ZNF891: variants seen among roughly 807,000 people sequenced by gnomAD.
ZNF891 encodes hCG1646157.
For synonymous variants in ZNF891, 199 were observed against 209.0 expected, an observed-to-expected ratio of 0.95 and a Z score of 0.41; for missense variants, 589 against 632.7, an observed-to-expected ratio of 0.93 and a Z score of 0.74.
rs1206924676 is a variant in ZNF891, at chr12:133,120,184, T to C, written c.*100A>G. ...AAATGTTATATTAAAAAAAGAGCCA[T>C]TTGTAACCTTAAATCGTTCTTTTAG... On this transcript the variant is annotated 3_prime_UTR_variant, in exon 2 of 2. Transcript: ENST00000537226. 2.1e-6 allele frequency: 2 copies of C among 962,382 alleles called. No homozygotes were observed. The highest frequency in any genetic ancestry group is 5.3e-5 in the East Asian group (2 of 37,418). 59.6% of individuals were successfully genotyped at this position (962,382 alleles called of 1,614,324 possible). A position where few individuals can be genotyped will look rare whatever the true frequency, so the allele number is the denominator to read the frequency against.
In ZNF891 at chr12:133,106,397, C is replaced by T; in HGVS notation, c.*13887G>A. On this transcript the variant is annotated 3_prime_UTR_variant, in exon 2 of 2. Transcript: ENST00000537226. Reference sequence around the variant, plus strand: ...TTTCACTTGGCATGCATCCCTTATTCAACATACGAAGAGTCACACTGGAGA... The same window carrying T: ...TTTCACTTGGCATGCATCCCTTATTTAACATACGAAGAGTCACACTGGAGA... The T allele has an allele frequency of 6.2e-7, 1 of 1,614,124 alleles. No homozygotes were observed. Among genetic ancestry groups the T allele is most frequent in the Non-Finnish European group, 8.5e-7 (1 of 1,180,018 alleles).
At position 133,107,810 on chromosome 12, in the gene ZNF891, T is replaced by G. The variant is rs147235224; in HGVS notation, c.*12474A>C. ...CACCATCAGGGTTAGTTTGCCTTAA[T>G]CAGGAAGGTAAGCAATTTTATTTTG... On this transcript the variant is annotated 3_prime_UTR_variant, in exon 2 of 2. Coordinates refer to ENST00000537226, the MANE Select transcript of ZNF891 (RefSeq NM_001277291.2). The G allele has an allele frequency of 1.1e-3, 172 of 152,324 alleles. No homozygotes were observed. The highest frequency in any genetic ancestry group is 4.0e-3 in the African/African-American group (167 of 41,556). The allele number at this position is 152,324 out of a possible 1,614,324, so 9.4% of individuals were successfully genotyped here. A position where few individuals can be genotyped will look rare whatever the true frequency, so the allele number is the denominator to read the frequency against.
Position 133,120,592 on chromosome 12 carries a change from T to C in ZNF891, c.1327A>G (p.Thr443Ala). 4 of 1,560,134 alleles carry C rather than the reference T, an allele frequency of 2.6e-6. No individual in the cohort carries two copies. Among genetic ancestry groups the C allele is most frequent in the Non-Finnish European group, 3.5e-6 (4 of 1,153,554 alleles). Residue 443 changes from threonine (T) to alanine (A), a missense_variant, in exon 2 of 2, where the codon ACG (threonine) becomes GCG (alanine). Coordinates refer to ENST00000537226, the MANE Select transcript of ZNF891 (RefSeq NM_001277291.2). ...TTATGAACTTTAAGGTGAGAGCTCG[T>C]GTTGAAGGCTTTTCCACACTCACTG... ...ECSECGKAFNTSSHLKVHKKI... is the reference protein window; with the variant it reads ...ECSECGKAFNASSHLKVHKKI...
rs754483528 is a variant in ZNF891, at chr12:133,110,462, G to A, written c.*9822C>T. The A allele has an allele frequency of 6.6e-6, 1 of 152,178 alleles. No homozygotes were observed. The highest frequency in any genetic ancestry group is 1.5e-5 in the Non-Finnish European group (1 of 68,042). 9.4% of individuals were successfully genotyped at this position (152,178 alleles called of 1,614,324 possible). A position where few individuals can be genotyped will look rare whatever the true frequency, so the allele number is the denominator to read the frequency against. On this transcript the variant is annotated 3_prime_UTR_variant, in exon 2 of 2. Transcript: ENST00000537226. The stretch of plus-strand genomic sequence containing the variant: ...AAAGAAGTTACTATGAATGCAGAAA[G>A]GCGACAGAACAACAGATGCAATCAA...
Position 133,115,827 on chromosome 12 carries a change from G to C in ZNF891, c.*4457C>G, listed in dbSNP as rs1032017412. 1.3e-5 allele frequency: 2 copies of C among 152,070 alleles called. No homozygotes were observed. Among genetic ancestry groups the C allele is most frequent in the African/African-American group, 2.4e-5 (1 of 41,392 alleles). 9.4% of individuals were successfully genotyped at this position (152,070 alleles called of 1,614,324 possible). On this transcript the variant is annotated 3_prime_UTR_variant, in exon 2 of 2. Coordinates refer to ENST00000537226, the MANE Select transcript of ZNF891 (RefSeq NM_001277291.2). ...AACACTTGGGACCAGAACTGTTTTG[G>C]ATTTTGGAATATTTGCATTATACCT...
At position 133,105,966 on chromosome 12, in the gene ZNF891, C is replaced by A; in HGVS notation, c.*14318G>T. 1 of 1,614,092 alleles carries A rather than the reference C, an allele frequency of 6.2e-7. No homozygotes were observed. Among genetic ancestry groups the A allele is most frequent in the South Asian group, 1.1e-5 (1 of 91,048 alleles). On this transcript the variant is annotated 3_prime_UTR_variant, in exon 2 of 2. Coordinates refer to ENST00000537226, the MANE Select transcript of ZNF891 (RefSeq NM_001277291.2). ...TGTAATAAAACATTCAGTTACCTTTCATTTCTTATTGAACACCAGAGAACG... is the reference window on the plus strand; with the variant it reads ...TGTAATAAAACATTCAGTTACCTTTAATTTCTTATTGAACACCAGAGAACG...
In ZNF891 at chr12:133,106,144, T is replaced by C; in HGVS notation, c.*14140A>G. On this transcript the variant is annotated 3_prime_UTR_variant, in exon 2 of 2. Transcript: ENST00000537226. ...CATTTAGCAGTGGCTCAGAACTCAT[T>C]CGCCACCAGATTACACATACTGGAG... 1 of 1,614,122 alleles carries C rather than the reference T, an allele frequency of 6.2e-7. No homozygotes were observed. Among genetic ancestry groups the C allele is most frequent in the African/African-American group, 1.3e-5 (1 of 75,036 alleles).
chr12:133,119,902 T>C lies in ZNF891; in HGVS notation c.*382A>G, dbSNP rs1457941362. 5.9e-6 allele frequency: 1 copy of C among 169,670 alleles called. No individual in the cohort carries two copies. The highest frequency in any genetic ancestry group is 1.7e-4 in the East Asian group (1 of 5,956). 10.5% of individuals were successfully genotyped at this position (169,670 alleles called of 1,614,324 possible). ...GAGACCTTATTGTTCTTGGCTAAGA[T>C]GGAATTCATTAGTAAGGAAAGATGA... On this transcript the variant is annotated 3_prime_UTR_variant, in exon 2 of 2. Coordinates refer to ENST00000537226, the MANE Select transcript of ZNF891 (RefSeq NM_001277291.2).
In ZNF891 at chr12:133,106,625, C is replaced by G. The variant is rs1955609604; in HGVS notation, c.*13659G>C. 6.3e-7 allele frequency: 1 copy of G among 1,597,906 alleles called. No individual in the cohort carries two copies. Among genetic ancestry groups the G allele is most frequent in the African/African-American group, 1.3e-5 (1 of 74,220 alleles). ...TGAATATGAAAATTCATTTAATTAC[C>G]ACTCATTCCTTACTGAACACCAGTG... On this transcript the variant is annotated 3_prime_UTR_variant, in exon 2 of 2. Transcript: ENST00000537226.
At position 133,114,654 on chromosome 12, in the gene ZNF891, C is replaced by T. The variant is rs1033641714; in HGVS notation, c.*5630G>A. 29 of 152,082 alleles carry T rather than the reference C, an allele frequency of 1.9e-4. No homozygotes were observed. The highest frequency in any genetic ancestry group is 7.0e-4 in the African/African-American group (29 of 41,392). 9.4% of individuals were successfully genotyped at this position (152,082 alleles called of 1,614,324 possible). A position where few individuals can be genotyped will look rare whatever the true frequency, so the allele number is the denominator to read the frequency against. On this transcript the variant is annotated 3_prime_UTR_variant, in exon 2 of 2. Transcript: ENST00000537226. ...ACCAAAACTTACAGTGTAGAGGGCA[C>T]AATACACAAACAGGCAATACAGTGT...
At position 133,115,413 on chromosome 12, in the gene ZNF891, A is replaced by G. The variant is rs1955710563; in HGVS notation, c.*4871T>C. On this transcript the variant is annotated 3_prime_UTR_variant, in exon 2 of 2. Transcript: ENST00000537226. ...CTCAAAAAAAAAAAAAAAAAAAAAA[A>G]AAAGATGTGGGATAAAAGGTATAAC... is the stretch of plus-strand genomic sequence containing the variant. 6.7e-6 allele frequency: 1 copy of G among 150,174 alleles called. No individual in the cohort carries two copies. The highest frequency in any genetic ancestry group is 6.6e-5 in the Admixed American group (1 of 15,072). 9.3% of individuals were successfully genotyped at this position (150,174 alleles called of 1,614,324 possible). A position where few individuals can be genotyped will look rare whatever the true frequency, so the allele number is the denominator to read the frequency against.
Position 133,106,326 on chromosome 12 carries a change from T to C in ZNF891, c.*13958A>G, listed in dbSNP as rs779843232. ...TCATTCCTTATTAAACATCAGAGAA[T>C]TCATGCTGGAGAAAAGCTCTATGAA... On this transcript the variant is annotated 3_prime_UTR_variant, in exon 2 of 2. Transcript: ENST00000537226. 10 of 1,614,178 alleles carry C rather than the reference T, an allele frequency of 6.2e-6. No homozygotes were observed. The highest frequency in any genetic ancestry group is 1.6e-4 in the Middle Eastern group (1 of 6,062).
chr12:133,108,134 T>C lies in ZNF891; in HGVS notation c.*12150A>G, dbSNP rs1034581940. 1 of 152,150 alleles carries C rather than the reference T, an allele frequency of 6.6e-6. No homozygotes were observed. Among genetic ancestry groups the C allele is most frequent in the Non-Finnish European group, 1.5e-5 (1 of 68,014 alleles). The allele number at this position is 152,150 out of a possible 1,614,324, so 9.4% of individuals were successfully genotyped here. On this transcript the variant is annotated 3_prime_UTR_variant, in exon 2 of 2. Coordinates refer to ENST00000537226, the MANE Select transcript of ZNF891 (RefSeq NM_001277291.2). ...TCAGAGAGGCTGATTTATCTTACAATAGTGTACAGTCTGACTCGAATACAA... is the reference window on the plus strand; with the variant it reads ...TCAGAGAGGCTGATTTATCTTACAACAGTGTACAGTCTGACTCGAATACAA...
At chr12:133,129,031 G>A (rs1955847129) in intron 1 of ZNF891, among the ~76,000 whole-genome samples, 1 of 151,794 alleles carries the variant, frequency 6.6e-6, no homozygotes, top group Admixed American at 6.6e-5. Flanking sequence ...AATTACAGCA[G>A]TAAAATATTA....
chr12:133,107,315 C>T lies in ZNF891; in HGVS notation c.*12969G>A, dbSNP rs142978092. On this transcript the variant is annotated 3_prime_UTR_variant, in exon 2 of 2. Coordinates refer to ENST00000537226, the MANE Select transcript of ZNF891 (RefSeq NM_001277291.2). The stretch of plus-strand genomic sequence containing the variant: ...AAATCTCCTTAGATATCTGAAAAGT[C>T]ATACTGGATGGAATCTGTAGGAAAC... 6.6e-6 allele frequency: 1 copy of T among 152,314 alleles called. No homozygotes were observed. The highest frequency in any genetic ancestry group is 1.9e-4 in the East Asian group (1 of 5,192). 9.4% of individuals were successfully genotyped at this position (152,314 alleles called of 1,614,324 possible). A position where few individuals can be genotyped will look rare whatever the true frequency, so the allele number is the denominator to read the frequency against.
chr12:133,105,488 C>T lies in ZNF891; in HGVS notation c.*14796G>A, dbSNP rs1955558417. ...TCAATACAGGAAAAAGAAACATTCA[C>T]TTTTTTTTTGGTATCTTTCAGTTTC... is the stretch of plus-strand genomic sequence containing the variant. On this transcript the variant is annotated 3_prime_UTR_variant, in exon 2 of 2. Coordinates refer to ENST00000537226, the MANE Select transcript of ZNF891 (RefSeq NM_001277291.2). The T allele has an allele frequency of 6.6e-7, 1 of 1,519,456 alleles. No individual in the cohort carries two copies. Among genetic ancestry groups the T allele is most frequent in the Non-Finnish European group, 8.9e-7 (1 of 1,128,842 alleles). The allele number at this position is 1,519,456 out of a possible 1,614,324, so 94.1% of individuals were successfully genotyped here.
At position 133,120,184 on chromosome 12, in the gene ZNF891, T is replaced by A; in HGVS notation, c.*100A>T. The A allele has an allele frequency of 1.0e-6, 1 of 962,382 alleles. No homozygotes were observed. Among genetic ancestry groups the A allele is most frequent in the Non-Finnish European group, 1.5e-6 (1 of 687,218 alleles). The allele number at this position is 962,382 out of a possible 1,614,324, so 59.6% of individuals were successfully genotyped here. A position where few individuals can be genotyped will look rare whatever the true frequency, so the allele number is the denominator to read the frequency against. On this transcript the variant is annotated 3_prime_UTR_variant, in exon 2 of 2. Transcript: ENST00000537226. ...AAATGTTATATTAAAAAAAGAGCCA[T>A]TTGTAACCTTAAATCGTTCTTTTAG...
chr12:133,120,761 A>G lies in ZNF891; in HGVS notation c.1158T>C (p.Ser386=). The G allele has an allele frequency of 6.4e-7, 1 of 1,568,456 alleles. No homozygotes were observed. Residue 386 remains serine (S), a synonymous_variant, in exon 2 of 2, where the codon AGT becomes AGC. Transcript: ENST00000537226. ...TGTGAGCCTTAAGGGATGTTTTTTG[A>G]CTGAAAGCTTTTCCACATTGATTAC... The part of the protein sequence containing the change: ...YECNQCGKAF[S]QKTSLKAHMR...
At position 133,106,409 on chromosome 12, in the gene ZNF891, A is replaced by G; in HGVS notation, c.*13875T>C. ...TGCATCCCTTATTCAACATACGAAG[A>G]GTCACACTGGAGAGAAACCCTATGC... On this transcript the variant is annotated 3_prime_UTR_variant, in exon 2 of 2. Coordinates refer to ENST00000537226, the MANE Select transcript of ZNF891 (RefSeq NM_001277291.2). 2 of 1,614,226 alleles carry G rather than the reference A, an allele frequency of 1.2e-6. No homozygotes were observed. Among genetic ancestry groups the G allele is most frequent in the Non-Finnish European group, 1.7e-6 (2 of 1,180,022 alleles).
Sources: allele counts gnomAD v4.1 joint callset (sites outside exome capture counted in the v4.1 genomes callset), GRCh38; gene constraint gnomAD v4.1.1; transcripts MANE v1.5; gene names NCBI Gene and HGNC (gene_info 2026-07-23, HGNC 2026-07-21).